Variants in CUBN observed in about 807,000 individuals in gnomAD.
CUBN encodes the protein cubilin.
Under a neutral mutation model 405.3 loss-of-function variants are expected in CUBN, and 282 were observed. The ratio of observed to expected loss-of-function variants is 0.70; its 90% CI spans 0.63 to 0.77. The LOEUF is 0.77. Ranked by LOEUF, CUBN falls within the 30% of genes least tolerant of loss-of-function variation. The probability of loss-of-function intolerance (pLI) is 0.00; values close to 1 mark genes in which losing one functional copy is unlikely to be tolerated. For missense variants in CUBN, 4,514 were observed against 4,475.2 expected, an observed-to-expected ratio of 1.01 and a Z score of -0.25; for synonymous variants, 1,684 against 1,617.0, an observed-to-expected ratio of 1.04 and a Z score of -0.99.
chr10:17,068,020 C>T (rs773102115), intron 21 of CUBN, 44 bp downstream of exon 21: 1 of 1,482,932 alleles, frequency 6.7e-7, no homozygotes, highest in Non-Finnish European at 9.4e-7. Flanking sequence ...AGCAGGAAAT[C>T]AGTGAAGTTT....
intron 17 of CUBN, among the ~76,000 whole-genome samples, chr10:17,083,272 G>A (rs934803788): frequency 1.5e-4 from 23 of 152,124 alleles, no homozygotes; most frequent in African/African-American, 5.3e-4. Flanking sequence ...TTGGGAGGCT[G>A]AGGCCGGAGG....
intron 22 of CUBN, among the ~76,000 whole-genome samples, chr10:17,057,078 G>C (rs1406608522): frequency 6.6e-6 from 1 of 152,276 alleles, no homozygotes; most frequent in Non-Finnish European, 1.5e-5. Flanking sequence ...ACTGCTGCAA[G>C]GCAGGCAAGC....
intron 28 of CUBN, among the ~76,000 whole-genome samples, chr10:17,005,112 AT>A (rs1262272332): frequency 6.6e-6 from 1 of 152,016 alleles, no homozygotes; most frequent in Non-Finnish European, 1.5e-5. Flanking sequence ...GCATCACTAA[AT>A]TTCCCACTTA....
chr10:17,053,220 A>G (rs1455429403), intron 22 of CUBN, among the ~76,000 whole-genome samples: 1 of 152,080 alleles, frequency 6.6e-6, no homozygotes, highest in Non-Finnish European at 1.5e-5. Context: ...GTTAAATTCA[A>G]CCATAAAAAT....
chr10:16,924,075 G>GA (rs1233020775), intron 43 of CUBN, among the ~76,000 whole-genome samples: 4 of 150,346 alleles, frequency 2.7e-5, no homozygotes, highest in African/African-American at 7.4e-5. Flanking sequence ...TCTCAAGAAA[G>GA]AAAAAAAAGA....
intron 28 of CUBN, among the ~76,000 whole-genome samples, chr10:16,993,146 A>G (rs1588559963): frequency 6.6e-6 from 1 of 152,166 alleles, no homozygotes; most frequent in East Asian, 1.9e-4. Flanking sequence ...CTCAACTTGC[A>G]TTTTCAGCTC....
intron 7 of CUBN, 80 bp from the exon 8 acceptor site, chr10:17,114,269 T>A (rs2131312492): frequency 1.4e-6 from 2 of 1,393,524 alleles, no homozygotes; most frequent in Non-Finnish European, 2.0e-6. Context: ...ATCAAGCCCC[T>A]AACTGTTTAT....
At position 17,074,669 on chromosome 10, in the gene CUBN, C is replaced by A. The variant is rs571425230; in HGVS notation, c.2302-2698G>T. On this transcript the variant is annotated intron_variant, in intron 17 of 66. Transcript: ENST00000377833. ...TCACCAACCCACATAACTGTGTCAGCCTGCATTTGTACTGTCATATTCATA... is the reference window on the plus strand; with the variant it reads ...TCACCAACCCACATAACTGTGTCAGACTGCATTTGTACTGTCATATTCATA... Among the ~76,000 whole-genome samples, 8 of 152,278 alleles carry A rather than the reference C, an allele frequency of 5.3e-5. No individual in the cohort carries two copies. In the East Asian group the frequency reaches 9.6e-4, roughly 18 times the overall value.
At chr10:16,917,041 T>G in intron 45 of CUBN, among the ~76,000 whole-genome samples, 1 of 152,102 alleles carries the variant, frequency 6.6e-6, no homozygotes, top group East Asian at 1.9e-4. Flanking sequence ...CTTGAACTCC[T>G]GACCTCGTGA....
In CUBN at chr10:17,071,898, T is replaced by G. The variant is rs750619863; in HGVS notation, c.2375A>C (p.Asn792Thr). ...TATTTTAAACCTGATCCAGACACTATTAGTAATGGATTTAATGTGAGAGAT... is the reference window on the plus strand; with the variant it reads ...TATTTTAAACCTGATCCAGACACTAGTAGTAATGGATTTAATGTGAGAGAT... ...GTISHIKSIT[N>T]SVWIRFKIDA... Residue 792 changes from asparagine (N) to threonine (T), a missense_variant, in exon 18 of 67, where the codon AAT (asparagine) becomes ACT (threonine). Asn to Thr is a moderately conservative substitution (Grantham distance 65). Transcript: ENST00000377833. 1 of 1,613,118 alleles carries G rather than the reference T, an allele frequency of 6.2e-7. No homozygotes were observed. The highest frequency in any genetic ancestry group is 1.3e-5 in the African/African-American group (1 of 74,888).
chr10:17,005,571 A>C (rs373699719), intron 28 of CUBN, among the ~76,000 whole-genome samples: 2 of 152,198 alleles, frequency 1.3e-5, no homozygotes, highest in East Asian at 1.9e-4. Context: ...TATTTGTCTG[A>C]TCAATTCTTG....
At chr10:16,954,992 G>A (rs150328809) in intron 31 of CUBN, among the ~76,000 whole-genome samples, 2 of 152,314 alleles carry the variant, frequency 1.3e-5, no homozygotes, top group Non-Finnish European at 2.9e-5. Flanking sequence ...TAAGTTTCGT[G>A]ATAGGGTAAT....
chr10:17,020,084 G>C, intron 27 of CUBN, 101 bp from the exon 28 acceptor site: 1 of 1,347,754 alleles, frequency 7.4e-7, no homozygotes, highest in South Asian at 1.2e-5. Flanking sequence ...TGGTTCAAAA[G>C]TTAGAGGTAA....
chr10:16,988,349 G>T (rs1471444856), intron 29 of CUBN, among the ~76,000 whole-genome samples: 2 of 152,182 alleles, frequency 1.3e-5, no homozygotes, highest in Admixed American at 6.5e-5. Flanking sequence ...ATGGATGCTA[G>T]TCCTACTTTG....
intron 31 of CUBN, among the ~76,000 whole-genome samples, chr10:16,976,978 A>T (rs1202242109): frequency 6.6e-6 from 1 of 152,084 alleles, no homozygotes; most frequent in Non-Finnish European, 1.5e-5. Flanking sequence ...TCTCAGTTTG[A>T]CTTTTATTTC....
rs1489727980 is a variant in CUBN, at chr10:17,019,986, G to A, written c.4018-3C>T. 1.2e-6 allele frequency: 2 copies of A among 1,614,050 alleles called. No individual in the cohort carries two copies. The highest frequency in any genetic ancestry group is 8.5e-7 in the Non-Finnish European group (1 of 1,179,932). ...ATCTGCCGTGGTCCATCATAGAGCT[G>A]AAATTGAAGAGAAACTTTCCCATAT... is the stretch of plus-strand genomic sequence containing the variant. On this transcript the variant is annotated splice_polypyrimidine_tract_variant and splice_region_variant and intron_variant, in intron 27 of 66. Coordinates refer to ENST00000377833, the MANE Select transcript of CUBN (RefSeq NM_001081.4).
chr10:17,084,668 G>C (rs143851033), intron 16 of CUBN, among the ~76,000 whole-genome samples: 7 of 152,318 alleles, frequency 4.6e-5, no homozygotes, highest in South Asian at 2.1e-4. Context: ...TAAAGAAATA[G>C]ATGCAGAGAT....
intron 22 of CUBN, among the ~76,000 whole-genome samples, chr10:17,049,108 G>A (rs528965429): frequency 1.6e-3 from 243 of 152,260 alleles, no homozygotes; most frequent in Admixed American, 4.7e-3. Flanking sequence ...TGGAAAGGAA[G>A]GTAGAGAGGA....
chr10:17,088,283 A>G lies in CUBN; in HGVS notation c.1828T>C (p.Tyr610His), dbSNP rs368137887. 4 of 1,613,606 alleles carry G rather than the reference A, an allele frequency of 2.5e-6. No homozygotes were observed. The African/African-American group carries it at 4.0e-5, about 16-fold the overall frequency. The change falls in exon 15 of 67, where the codon TAT becomes CAT. Residue 610 changes from tyrosine (Y) to histidine (H), a missense_variant. This residue lies in a region of CUBN where 1,448 missense variants were observed against 1,388.0 expected (regional missense o/e 1.04). Coordinates refer to ENST00000377833, the MANE Select transcript of CUBN (RefSeq NM_001081.4). ...CAGACACAATCTCTTCCTGGGGGATAGTTTCCAGGATACCCCGGAGACTTA... is the reference window on the plus strand; with the variant it reads ...CAGACACAATCTCTTCCTGGGGGATGGTTTCCAGGATACCCCGGAGACTTA... ...SIKSPGYPGN[Y>H]PPGRDCVWIV...
Sources: allele counts gnomAD v4.1 joint callset (sites outside exome capture counted in the v4.1 genomes callset), GRCh38; gene constraint gnomAD v4.1.1; regional missense constraint gnomAD v4.1.1; transcripts MANE v1.5; gene names NCBI Gene and HGNC (gene_info 2026-07-23, HGNC 2026-07-21).